The following SNX30 variants were observed in gnomAD, a reference collection of about 807,000 sequenced individuals.
The protein encoded by SNX30 is sorting nexin family member 30.
A neutral mutation model predicts 46.4 loss-of-function variants in SNX30; 24 were observed. The ratio of observed to expected loss-of-function variants is 0.52; its 90% CI spans 0.37 to 0.73. SNX30 has a LOEUF of 0.73. Among genes scored for constraint, SNX30 ranks in the 30% least tolerant of loss-of-function variants. The pLI is 0.00. For missense variants in SNX30, 533 were observed against 555.7 expected (o/e 0.96, Z 0.41); for synonymous variants, 189 against 211.5 (o/e 0.89, Z 0.92).
intron 1 of SNX30, among the ~76,000 whole-genome samples, chr9:112,780,850 G>A (rs1260499900): frequency 1.3e-5 from 2 of 152,150 alleles, no homozygotes; most frequent in Non-Finnish European, 1.5e-5. Context: ...AAATGGATAC[G>A]GTAATGTGCT....
chr9:112,815,944 G>C (rs1241480623), intron 2 of SNX30, among the ~76,000 whole-genome samples: 1 of 152,166 alleles, frequency 6.6e-6, no homozygotes. Context: ...CCTGGGCTCA[G>C]ACAATCCTCC....
chr9:112,851,948 C>T (rs1436774038), intron 7 of SNX30, among the ~76,000 whole-genome samples: 1 of 152,184 alleles, frequency 6.6e-6, no homozygotes, highest in Non-Finnish European at 1.5e-5. Flanking sequence ...AACAAATCAT[C>T]CTATGTCATC....
At chr9:112,767,745 A>G (rs1293662568) in intron 1 of SNX30, among the ~76,000 whole-genome samples, 1 of 151,940 alleles carries the variant, frequency 6.6e-6, no homozygotes, top group Non-Finnish European at 1.5e-5. Flanking sequence ...TTATGCCACC[A>G]TGTCCAGCTA....
At chr9:112,836,973 C>T (rs1487504196) in intron 5 of SNX30, among the ~76,000 whole-genome samples, 1 of 152,188 alleles carries the variant, frequency 6.6e-6, no homozygotes, top group Non-Finnish European at 1.5e-5. Context: ...CTCTCGGGGC[C>T]ACCTGCTTTG....
intron 6 of SNX30, among the ~76,000 whole-genome samples, chr9:112,841,133 C>T (rs909149738): frequency 6.6e-6 from 1 of 152,216 alleles, no homozygotes; most frequent in Non-Finnish European, 1.5e-5. Context: ...TATGTATACA[C>T]ACCCTTCATC....
chr9:112,762,679 T>C (rs1839461717), intron 1 of SNX30, among the ~76,000 whole-genome samples: 1 of 152,180 alleles, frequency 6.6e-6, no homozygotes, highest in African/African-American at 2.4e-5. Flanking sequence ...GTCTTGTCGT[T>C]GCCTTAGAAG....
intron 6 of SNX30, 81 bp from the exon 7 acceptor site, chr9:112,850,778 G>C (rs935479189): frequency 3.2e-5 from 33 of 1,042,124 alleles, no homozygotes; most frequent in Non-Finnish European, 4.1e-5. Flanking sequence ...GGAGGCGTGG[G>C]GGAAAAGAAG....
In SNX30 at chr9:112,817,726, C is replaced by A; in HGVS notation, c.370C>A (p.Leu124Met). 6.2e-7 allele frequency: 1 copy of A among 1,611,666 alleles called. No individual in the cohort carries two copies. Among genetic ancestry groups the A allele is most frequent in the East Asian group, 2.2e-5 (1 of 44,834 alleles). The change falls in exon 3 of 9, where the codon CTG becomes ATG. Residue 124 changes from leucine to methionine, a missense_variant. Physicochemically the swap from Leu to Met is conservative, Grantham distance 15 (BLOSUM62 2). Around this residue, in one of 3 missense-constraint regions of SNX30, gnomAD observed 81 missense variants for 124.4 expected, o/e 0.65. Transcript: ENST00000374232. ...TTKSTRVEFD[L>M]PEYSVRRRYQ... ...GCAGAGTACTCGGGTGGAGTTTGAC[C>A]TGCCAGAATATTCTGTTCGTCGAAG...
At chr9:112,813,462 G>C (rs1440918382) in intron 2 of SNX30, among the ~76,000 whole-genome samples, 1 of 129,360 alleles carries the variant, frequency 7.7e-6, no homozygotes, top group Non-Finnish European at 1.6e-5. Flanking sequence ...CTGGGGGACT[G>C]TATTTAATTT....
At chr9:112,774,664 G>A (rs1289857573) in intron 1 of SNX30, among the ~76,000 whole-genome samples, 1 of 152,118 alleles carries the variant, frequency 6.6e-6, no homozygotes, top group East Asian at 1.9e-4. Flanking sequence ...TGAGTATGTA[G>A]TGATATCTCA....
intron 4 of SNX30, among the ~76,000 whole-genome samples, chr9:112,831,449 A>G (rs1539339): frequency 6.6e-6 from 1 of 152,096 alleles, no homozygotes; most frequent in African/African-American, 2.4e-5. Flanking sequence ...AGTCTGACCA[A>G]CAATGGGCAT....
At chr9:112,768,700 A>C (rs907451488) in intron 1 of SNX30, among the ~76,000 whole-genome samples, 1 of 113,466 alleles carries the variant, frequency 8.8e-6, no homozygotes, top group Non-Finnish European at 1.6e-5. Flanking sequence ...CTTGTCGCTT[A>C]GGCTAGAGTG....
chr9:112,781,050 C>T (rs1171756057), intron 1 of SNX30, among the ~76,000 whole-genome samples: 1 of 152,210 alleles, frequency 6.6e-6, no homozygotes, highest in Non-Finnish European at 1.5e-5. Context: ...TTCCCTTGCT[C>T]TTTTGGCACT....
intron 1 of SNX30, among the ~76,000 whole-genome samples, chr9:112,773,257 A>G (rs1046548230): frequency 6.6e-5 from 10 of 152,224 alleles, no homozygotes; most frequent in African/African-American, 2.4e-4. Context: ...TGGGGTTAAT[A>G]ATAGTACCTG....
At chr9:112,840,071 C>T (rs926643197) in intron 6 of SNX30, among the ~76,000 whole-genome samples, 18 of 152,212 alleles carry the variant, frequency 1.2e-4, no homozygotes, top group South Asian at 4.1e-4. Context: ...AAACTGTGGA[C>T]GGTGGAAAAT....
Position 112,838,690 on chromosome 9 carries a change from C to T in SNX30, c.1007C>T (p.Ser336Phe). Reference sequence around the variant, plus strand: ...AGGGAATATATTTTATACTCTGACTCCATGAAGGTAAGCTGGCTTGCTTCT... The same window carrying T: ...AGGGAATATATTTTATACTCTGACTTCATGAAGGTAAGCTGGCTTGCTTCT... ...VLREYILYSD[S>F]MKSVLKKRDQ... The change falls in exon 6 of 9, where the codon TCC (serine) becomes TTC (phenylalanine). Residue 336 changes from serine to phenylalanine, a missense_variant. Around this residue, in one of 3 missense-constraint regions of SNX30, gnomAD observed 261 missense variants for 270.9 expected, o/e 0.96. Coordinates refer to ENST00000374232, the MANE Select transcript of SNX30 (RefSeq NM_001012994.2). 1.2e-6 allele frequency: 2 copies of T among 1,613,574 alleles called. No individual in the cohort carries two copies. Among genetic ancestry groups the T allele is most frequent in the Non-Finnish European group, 1.7e-6 (2 of 1,179,732 alleles).
chr9:112,851,444 T>C (rs1841024508), intron 7 of SNX30, among the ~76,000 whole-genome samples: 1 of 152,230 alleles, frequency 6.6e-6, no homozygotes, highest in Non-Finnish European at 1.5e-5. Context: ...AGCTGCGTGC[T>C]GGTTCTGCAC....
chr9:112,818,825 C>T (rs1450199199), intron 3 of SNX30, among the ~76,000 whole-genome samples: 2 of 152,126 alleles, frequency 1.3e-5, no homozygotes, highest in Non-Finnish European at 2.9e-5. Flanking sequence ...TGAAAAGAGC[C>T]ACGTTGCCAG....
chr9:112,884,206 G>A (rs1298359933), downstream of SNX30, among the ~76,000 whole-genome samples: 1 of 152,198 alleles, frequency 6.6e-6, no homozygotes, highest in Non-Finnish European at 1.5e-5. Context: ...CAGCCCCCTG[G>A]GATTGCAAAC....
Sources: gnomAD v4.1 joint callset for allele counts (sites outside exome capture counted in the v4.1 genomes callset) on GRCh38, gnomAD v4.1.1 for gene constraint, gnomAD v4.1.1 regional missense constraint, MANE v1.5 for transcripts, NCBI Gene and HGNC (gene_info 2026-07-23, HGNC 2026-07-21) for gene names.